DCAF12L1: variants seen among roughly 807,000 people sequenced by gnomAD.
DCAF12L1 encodes DDB1- and CUL4-associated factor 12-like protein 1.
For synonymous variants in DCAF12L1, 218 were observed against 196.4 expected (o/e 1.11, Z -0.92); for missense variants, 251 against 409.2 (o/e 0.61, Z 3.34).
Position 126,552,803 on chromosome X carries a change from G to T in DCAF12L1, c.-195C>A. The T allele has an allele frequency of 1.5e-6, 1 of 682,679 alleles. No homozygotes were observed. The allele number at this position is 682,679 out of a possible 1,213,427, so 56.3% of individuals were successfully genotyped here. A position where few individuals can be genotyped will look rare whatever the true frequency, so the allele number is the denominator to read the frequency against. On this transcript the variant is annotated 5_prime_UTR_variant, in exon 1 of 2. Coordinates refer to ENST00000371126, the MANE Select transcript of DCAF12L1 (RefSeq NM_178470.5). ...GGCGGTGCAGACCTAGGCGAAGGCGGGAAGTGCGTCTGGCCGGGCAGTGAG... is the reference window on the plus strand; with the variant it reads ...GGCGGTGCAGACCTAGGCGAAGGCGTGAAGTGCGTCTGGCCGGGCAGTGAG...
chrX:126,552,159 G>A lies in DCAF12L1; in HGVS notation c.450C>T (p.Cys150=). Residue 150 remains cysteine (C), a synonymous_variant, in exon 1 of 2, where the codon TGC becomes TGT. Coordinates refer to ENST00000371126, the MANE Select transcript of DCAF12L1 (RefSeq NM_178470.5). The stretch of plus-strand genomic sequence containing the variant: ...GATTCAGCTCGATGGCATGGATGCC[G>A]CAGCCCTGTTGGTCCTGGGCCAGCC... ...EARLAQDQQG[C]GIHAIELNPS... 8.2e-7 allele frequency: 1 copy of A among 1,212,568 alleles called. No homozygotes were observed.
At position 126,551,472 on chromosome X, in the gene DCAF12L1, G is replaced by A. The variant is rs149056465; in HGVS notation, c.1137C>T (p.Ala379=). ...AGGCTCTTTCCTCCAGGAATTTCTG[G>A]GCCCGGACGTCATAGAAGAGCAGGG... ...QGSLLFYDVR[A]QKFLEERASA... is the part of the protein sequence containing the mutation. Residue 379 remains alanine, a synonymous_variant, in exon 1 of 2, where the codon GCC becomes GCT. Coordinates refer to ENST00000371126, the MANE Select transcript of DCAF12L1 (RefSeq NM_178470.5). 6.4e-3 allele frequency: 7,701 copies of A among 1,209,939 alleles called. 18 individuals are homozygous for A. The highest frequency in any genetic ancestry group is 7.9e-3 in the Non-Finnish European group (7,086 of 895,223).
chrX:126,551,232 T>C lies in DCAF12L1; in HGVS notation c.1377A>G (p.Ala459=), dbSNP rs772141762. Residue 459 remains alanine, a synonymous_variant, in exon 1 of 2, where the codon GCA becomes GCG. Coordinates refer to ENST00000371126, the MANE Select transcript of DCAF12L1 (RefSeq NM_178470.5). The part of the protein sequence containing the change: ...PLPAGLHGNY[A]GLWS ...GCGGTCATCCTTAGCTCCAGAGGCC[T>C]GCATAGTTCCCATGGAGGCCTGCAG... 2.5e-6 allele frequency: 3 copies of C among 1,207,706 alleles called. No individual in the cohort carries two copies. In the East Asian group the frequency reaches 8.9e-5, roughly 36 times the overall value.
rs762351703 is a variant in DCAF12L1 at position 126,551,444 on chromosome X, C to T, written c.1165G>A (p.Ala389Thr). 1.7e-5 allele frequency: 21 copies of T among 1,210,008 alleles called. No homozygotes were observed. The East Asian group carries it at 3.6e-4, about 21-fold the overall frequency. The stretch of plus-strand genomic sequence containing the variant: ...GGTCCCGAAGAGGACTCCAGGGTGG[C>T]GGAGGCTCTTTCCTCCAGGAATTTC... ...AQKFLEERAS[A>T]TLESSSGPAR... Residue 389 changes from alanine (A) to threonine (T), a missense_variant, in exon 1 of 2, where the codon GCC (alanine) becomes ACC (threonine). Ala to Thr is a moderately conservative substitution (Grantham distance 58). Transcript: ENST00000371126.
In DCAF12L1 at chrX:126,552,200, G is replaced by A. The variant is rs377390890; in HGVS notation, c.409C>T (p.Arg137Trp). 12 of 1,212,587 alleles carry A rather than the reference G, an allele frequency of 9.9e-6. No homozygotes were observed. The South Asian group carries it at 1.8e-4, about 18-fold the overall frequency. The change falls in exon 1 of 2, where the codon CGG (arginine) becomes TGG (tryptophan). Residue 137 changes from arginine (R) to tryptophan (W), a missense_variant. By Grantham distance (101) the Arg-to-Trp change is moderately radical. Coordinates refer to ENST00000371126, the MANE Select transcript of DCAF12L1 (RefSeq NM_178470.5). ...TGGGCCAGCCTGGCCTCACTGTCCC[G>A]CAAGAGGGGAATGCGCGCGATGTGG... ...SGHIARIPLL[R>W]DSEARLAQDQ...
Position 126,552,236 on chromosome X carries a change from C to G in DCAF12L1, c.373G>C (p.Val125Leu), listed in dbSNP as rs769832852. 1.1e-5 allele frequency: 13 copies of G among 1,212,523 alleles called. No individual in the cohort carries two copies. The highest frequency in any genetic ancestry group is 3.0e-5 in the East Asian group (1 of 33,840). Residue 125 changes from valine (V) to leucine (L), a missense_variant, in exon 1 of 2, where the codon GTG (valine) becomes CTG (leucine). Val to Leu is a conservative substitution (Grantham distance 32). Coordinates refer to ENST00000371126, the MANE Select transcript of DCAF12L1 (RefSeq NM_178470.5). ...TKCNTLFVVD[V>L]ESGHIARIPL... ...ATGCGCGCGATGTGGCCTGACTCCA[C>G]GTCCACCACGAAAAGCGTGTTACAC...
rs1927432892 is a variant in DCAF12L1, at chrX:126,549,795, C to T, written c.*1335G>A. The stretch of plus-strand genomic sequence containing the variant: ...AAGGGAAAACAGACATAACAAATTA[C>T]TAATCCTGGGTCAGCACAGCCTGGC... On this transcript the variant is annotated 3_prime_UTR_variant, in exon 2 of 2. Transcript: ENST00000371126. 1 of 112,176 alleles carries T rather than the reference C, an allele frequency of 8.9e-6. No homozygotes were observed. The highest frequency in any genetic ancestry group is 9.5e-5 in the Admixed American group (1 of 10,563). The allele number at this position is 112,176 out of a possible 1,213,427, so 9.2% of individuals were successfully genotyped here.
In DCAF12L1 at chrX:126,552,464, G is replaced by A. The variant is rs1366707436; in HGVS notation, c.145C>T (p.Arg49Cys). The A allele has an allele frequency of 3.3e-6, 4 of 1,209,227 alleles. No individual in the cohort carries two copies. The highest frequency in any genetic ancestry group is 1.7e-5 in the African/African-American group (1 of 57,432). Residue 49 changes from arginine to cysteine, a missense_variant, in exon 1 of 2, where the codon CGC becomes TGC. Arg to Cys is a radical substitution (Grantham distance 180, BLOSUM62 -3). Coordinates refer to ENST00000371126, the MANE Select transcript of DCAF12L1 (RefSeq NM_178470.5). ...LKRQRRPATY[R>C]SMAHYLKVRE... is the part of the protein sequence containing the mutation. ...ACCTTCAGATAGTGCGCCATCGAGC[G>A]ATACGTCGCCGGCCGCCTCTGCCTC...
At chrX:126,551,169 C>G (rs751961562) in intron 1 of DCAF12L1, 26 bp downstream of exon 1, 92 of 1,150,741 alleles carry the variant, frequency 8.0e-5, no homozygotes, top group Non-Finnish European at 9.2e-5. Context: ...GGCAGTCGGG[C>G]GGAACTGAAA....
Position 126,551,994 on chromosome X carries a change from G to A in DCAF12L1, c.615C>T (p.Asp205=). 3.3e-6 allele frequency: 4 copies of A among 1,212,634 alleles called. No homozygotes were observed. Among genetic ancestry groups the A allele is most frequent in the Non-Finnish European group, 3.3e-6 (3 of 895,720 alleles). The change falls in exon 1 of 2, where the codon GAC becomes GAT. Residue 205 remains aspartate (D), a synonymous_variant. Coordinates refer to ENST00000371126, the MANE Select transcript of DCAF12L1 (RefSeq NM_178470.5). ...CGCGGGAGCCGCTCACGGCTACGGTGTCACTCAGCCAGGCGACGGCGAAGA... is the reference window on the plus strand; with the variant it reads ...CGCGGGAGCCGCTCACGGCTACGGTATCACTCAGCCAGGCGACGGCGAAGA... ...DWIFAVAWLS[D]TVAVSGSRDG... is the part of the protein sequence containing the mutation.
In DCAF12L1 at chrX:126,551,646, G is replaced by A; in HGVS notation, c.963C>T (p.Tyr321=). ...CLTYCDDMSV[Y]AVGSHSHVSF... ...AGACGTGGGAATGGGAGCCCACGGC[G>A]TACACAGACATATCATCACAGTAGG... Residue 321 remains tyrosine (Y), a synonymous_variant, in exon 1 of 2, where the codon TAC becomes TAT. Transcript: ENST00000371126. 1 of 1,211,756 alleles carries A rather than the reference G, an allele frequency of 8.3e-7. No homozygotes were observed. Among genetic ancestry groups the A allele is most frequent in the Non-Finnish European group, 1.1e-6 (1 of 895,564 alleles).
chrX:126,551,979 G>A lies in DCAF12L1; in HGVS notation c.630C>T (p.Ser210=). ...VAWLSDTVAV[S]GSRDGTVALW... Reference sequence around the variant, plus strand: ...GCGCCACAGTGCCGTCGCGGGAGCCGCTCACGGCTACGGTGTCACTCAGCC... The same window carrying A: ...GCGCCACAGTGCCGTCGCGGGAGCCACTCACGGCTACGGTGTCACTCAGCC... Residue 210 remains serine, a synonymous_variant, in exon 1 of 2, where the codon AGC becomes AGT. Coordinates refer to ENST00000371126, the MANE Select transcript of DCAF12L1 (RefSeq NM_178470.5). 1.6e-6 allele frequency: 2 copies of A among 1,212,456 alleles called. No individual in the cohort carries two copies. The highest frequency in any genetic ancestry group is 1.1e-6 in the Non-Finnish European group (1 of 895,693).
rs1288620054 is a variant in DCAF12L1 at position 126,550,463 on chromosome X, A to AT, written c.*666dup. On this transcript the variant is annotated 3_prime_UTR_variant, in exon 2 of 2. Coordinates refer to ENST00000371126, the MANE Select transcript of DCAF12L1 (RefSeq NM_178470.5). ...GATAACAACTTAAATAAGTTTTGAA[A>AT]TAAAAAAAAATGGTTGTTTCAACTT... 8.9e-6 allele frequency: 1 copy of AT among 112,494 alleles called. No homozygotes were observed. Among genetic ancestry groups the AT allele is most frequent in the African/African-American group, 3.2e-5 (1 of 30,882 alleles). 9.3% of individuals were successfully genotyped at this position (112,494 alleles called of 1,213,427 possible). A position where few individuals can be genotyped will look rare whatever the true frequency, so the allele number is the denominator to read the frequency against.
Position 126,552,685 on chromosome X carries a change from G to T in DCAF12L1, c.-77C>A. 8.7e-7 allele frequency: 1 copy of T among 1,152,063 alleles called. No homozygotes were observed. The highest frequency in any genetic ancestry group is 2.0e-5 in the South Asian group (1 of 49,626). 94.9% of individuals were successfully genotyped at this position (1,152,063 alleles called of 1,213,427 possible). On this transcript the variant is annotated 5_prime_UTR_variant, in exon 1 of 2. Transcript: ENST00000371126. The stretch of plus-strand genomic sequence containing the variant: ...CGTGGCTCCGGAGTCGGTCGTGGCG[G>T]CGGCGTGGATGGCTGCGCTGGAACC...
chrX:126,549,767 T>C lies in DCAF12L1; in HGVS notation c.*1363A>G, dbSNP rs1282624905. On this transcript the variant is annotated 3_prime_UTR_variant, in exon 2 of 2. Transcript: ENST00000371126. ...AAGATAGCATCTGAGTGCCCAAACA[T>C]CTAAGGGAAAACAGACATAACAAAT... 8.9e-6 allele frequency: 1 copy of C among 112,042 alleles called. No individual in the cohort carries two copies. The highest frequency in any genetic ancestry group is 1.9e-5 in the Non-Finnish European group (1 of 53,231). The allele number at this position is 112,042 out of a possible 1,213,427, so 9.2% of individuals were successfully genotyped here.
At position 126,552,265 on chromosome X, in the gene DCAF12L1, G is replaced by C; in HGVS notation, c.344C>G (p.Thr115Ser). 1 of 1,212,357 alleles carries C rather than the reference G, an allele frequency of 8.2e-7. No homozygotes were observed. Among genetic ancestry groups the C allele is most frequent in the Non-Finnish European group, 1.1e-6 (1 of 895,628 alleles). The change falls in exon 1 of 2, where the codon ACC (threonine) becomes AGC (serine). Residue 115 changes from threonine to serine, a missense_variant. Coordinates refer to ENST00000371126, the MANE Select transcript of DCAF12L1 (RefSeq NM_178470.5). Reference protein sequence around the residue: ...WLNSRQVVCGTKCNTLFVVDV... With the variant: ...WLNSRQVVCGSKCNTLFVVDV... ...CACCACGAAAAGCGTGTTACACTTG[G>C]TGCCGCACACCACCTGCCTGGAGTT...
In DCAF12L1 at chrX:126,552,474, C is replaced by G. The variant is rs1927483251; in HGVS notation, c.135G>C (p.Pro45=). 2 of 1,209,071 alleles carry G rather than the reference C, an allele frequency of 1.7e-6. No homozygotes were observed. The highest frequency in any genetic ancestry group is 3.5e-5 in the African/African-American group (2 of 57,479). ...GPLLLKRQRR[P]ATYRSMAHYL... is the part of the protein sequence containing the mutation. ...AGTGCGCCATCGAGCGATACGTCGC[C>G]GGCCGCCTCTGCCTCTTGAGTAGCA... The change falls in exon 1 of 2, where the codon CCG becomes CCC. Residue 45 remains proline, a synonymous_variant. Coordinates refer to ENST00000371126, the MANE Select transcript of DCAF12L1 (RefSeq NM_178470.5).
chrX:126,552,489 C>G lies in DCAF12L1; in HGVS notation c.120G>C (p.Lys40Asn). 1.7e-6 allele frequency: 2 copies of G among 1,210,578 alleles called. No homozygotes were observed. Among genetic ancestry groups the G allele is most frequent in the Non-Finnish European group, 1.1e-6 (1 of 895,384 alleles). ...AADGEGPLLLKRQRRPATYRS... is the reference protein window; with the variant it reads ...AADGEGPLLLNRQRRPATYRS... Reference sequence around the variant, plus strand: ...GATACGTCGCCGGCCGCCTCTGCCTCTTGAGTAGCAGCGGCCCCTCACCGT... The same window carrying G: ...GATACGTCGCCGGCCGCCTCTGCCTGTTGAGTAGCAGCGGCCCCTCACCGT... The change falls in exon 1 of 2, where the codon AAG (lysine) becomes AAC (asparagine). Residue 40 changes from lysine to asparagine, a missense_variant. Lys to Asn is a moderately conservative substitution (Grantham distance 94, BLOSUM62 0). Coordinates refer to ENST00000371126, the MANE Select transcript of DCAF12L1 (RefSeq NM_178470.5).
Position 126,552,422 on chromosome X carries a change from A to C in DCAF12L1, c.187T>G (p.Trp63Gly), listed in dbSNP as rs1004432170. 1.7e-6 allele frequency: 2 copies of C among 1,209,522 alleles called. No homozygotes were observed. Among genetic ancestry groups the C allele is most frequent in the Middle Eastern group, 2.3e-4 (1 of 4,294 alleles). Residue 63 changes from tryptophan (W) to glycine (G), a missense_variant, in exon 1 of 2, where the codon TGG becomes GGG. Physicochemically the swap from Trp to Gly is radical, Grantham distance 184. Coordinates refer to ENST00000371126, the MANE Select transcript of DCAF12L1 (RefSeq NM_178470.5). ...HYLKVREVGG[W>G]GPARLQGFDG... ...AAGCCCTGGAGCCTGGCGGGGCCCC[A>C]CCCGCCTACCTCCCGAACCTTCAGA...
Sources: allele counts gnomAD v4.1 joint callset, GRCh38; gene constraint gnomAD v4.1.1; transcripts MANE v1.5; gene names NCBI Gene and HGNC (gene_info 2026-07-23, HGNC 2026-07-21).